Variants in PHACTR1 observed in about 807,000 individuals in gnomAD.
PHACTR1 encodes RPEL repeat containing 1.
PHACTR1 carries 16 observed loss-of-function variants against 69.2 expected under a neutral mutation model. That is an observed-to-expected ratio of 0.23 (90% CI 0.16 to 0.35). The LOEUF (loss-of-function observed/expected upper bound fraction) is 0.35. Ranked by LOEUF, PHACTR1 falls within the 10% of genes least tolerant of loss-of-function variation. The pLI is 1.00. For synonymous variants in PHACTR1, 312 were observed against 284.5 expected, an observed-to-expected ratio of 1.10 and a Z score of -0.97; for missense variants, 510 against 734.7, an observed-to-expected ratio of 0.69 and a Z score of 3.54.
At chr6:13,005,556 G>A (rs1416755664) in intron 4 of PHACTR1, among the ~76,000 whole-genome samples, 1 of 152,116 alleles carries the variant, frequency 6.6e-6, no homozygotes, top group African/African-American at 2.4e-5. Flanking sequence ...GAAATATAAT[G>A]TATAAATATA....
At chr6:13,065,966 A>T (rs2127763269) in intron 5 of PHACTR1, among the ~76,000 whole-genome samples, 1 of 152,218 alleles carries the variant, frequency 6.6e-6, no homozygotes, top group East Asian at 1.9e-4. Context: ...AAAAAAAAAA[A>T]AAGATCCAGC....
chr6:12,728,459 T>C (rs984993883), intron 3 of PHACTR1, among the ~76,000 whole-genome samples: 3 of 152,216 alleles, frequency 2.0e-5, no homozygotes, highest in African/African-American at 7.2e-5. Flanking sequence ...ATGAATAAGA[T>C]AGTTTCCCAT....
At chr6:12,785,848 C>T (rs1024279228) in intron 4 of PHACTR1, among the ~76,000 whole-genome samples, 4 of 152,002 alleles carry the variant, frequency 2.6e-5, no homozygotes, top group African/African-American at 9.7e-5. Flanking sequence ...TTCATCATAG[C>T]TTTATTTATT....
chr6:12,824,143 A>T (rs1581928771), intron 4 of PHACTR1, among the ~76,000 whole-genome samples: 1 of 152,152 alleles, frequency 6.6e-6, no homozygotes, highest in African/African-American at 2.4e-5. Context: ...TTAGATTTTC[A>T]TAGAAGCGAG....
intron 6 of PHACTR1, among the ~76,000 whole-genome samples, chr6:13,164,763 C>T (rs1296282564): frequency 6.6e-6 from 1 of 152,168 alleles, no homozygotes; most frequent in Non-Finnish European, 1.5e-5. Context: ...GGTTTTATTA[C>T]TCTGACAGTT....
rs969606210 is a variant in PHACTR1 at position 13,248,917 on chromosome 6, G to A, written c.1391+18724G>A. ...CAAAATCGCGTGCCAACTAAGCAAA[G>A]CCAATGCATAAGCTATAATGTCTTC... is the stretch of plus-strand genomic sequence containing the variant. On this transcript the variant is annotated intron_variant, in intron 10 of 14. Transcript: ENST00000332995. 2.6e-5 allele frequency among the ~76,000 whole-genome samples: 4 copies of A among 152,166 alleles called. No homozygotes were observed. In the East Asian group the frequency reaches 5.8e-4, roughly 22 times the overall value.
chr6:13,281,325 C>T (rs1245750747), intron 12 of PHACTR1: 5 of 344,324 alleles, frequency 1.5e-5, no homozygotes, highest in South Asian at 2.2e-5. Flanking sequence ...AGGCTGAGAA[C>T]GGCGGATCAT....
intron 4 of PHACTR1, among the ~76,000 whole-genome samples, chr6:12,924,000 G>C (rs1357556320): frequency 6.6e-6 from 1 of 152,200 alleles, no homozygotes; most frequent in Non-Finnish European, 1.5e-5. Flanking sequence ...ACATTCTAAA[G>C]TAAACTGAAT....
intron 5 of PHACTR1, among the ~76,000 whole-genome samples, chr6:13,057,039 G>A (rs1003201497): frequency 6.6e-6 from 1 of 152,094 alleles, no homozygotes; most frequent in Non-Finnish European, 1.5e-5. Context: ...GTTAATGAGT[G>A]CAAAACTACA....
At position 12,938,869 on chromosome 6, in the gene PHACTR1, G is replaced by A. The variant is rs151091608; in HGVS notation, c.251-114496G>A. ...CCTAATTATTTTCTGATTTATTCAC[G>A]TTGTTGCAGATCTCAACAGTTCATG... On this transcript the variant is annotated intron_variant, in intron 4 of 14. Coordinates refer to ENST00000332995, the MANE Select transcript of PHACTR1 (RefSeq NM_030948.6). 5.0e-3 allele frequency among the ~76,000 whole-genome samples: 753 copies of A among 151,878 alleles called. 3 individuals are homozygous for A. Among genetic ancestry groups the A allele is most frequent in the African/African-American group, 0.016 (662 of 41,386 alleles).
intron 4 of PHACTR1, among the ~76,000 whole-genome samples, chr6:12,804,460 A>G (rs940457027): frequency 6.6e-6 from 1 of 152,214 alleles, no homozygotes; most frequent in Non-Finnish European, 1.5e-5. Flanking sequence ...AATTCACTGA[A>G]AGAAGATGGC....
chr6:13,031,483 C>T (rs531454236), intron 4 of PHACTR1, among the ~76,000 whole-genome samples: 139 of 152,252 alleles, frequency 9.1e-4, no homozygotes, highest in Non-Finnish European at 1.7e-3. Context: ...TTAATTGAAA[C>T]GAATTCTATT....
At chr6:13,184,107 G>T (rs966574563) in intron 7 of PHACTR1, among the ~76,000 whole-genome samples, 1 of 152,238 alleles carries the variant, frequency 6.6e-6, no homozygotes, top group African/African-American at 2.4e-5. Flanking sequence ...AGGAGCTGGT[G>T]GGGGCAGGAT....
intron 4 of PHACTR1, among the ~76,000 whole-genome samples, chr6:12,939,591 A>C (rs1789846895): frequency 6.6e-6 from 1 of 152,218 alleles, no homozygotes; most frequent in Non-Finnish European, 1.5e-5. Context: ...AGATTATACA[A>C]GTAGCTGTAT....
intron 4 of PHACTR1, among the ~76,000 whole-genome samples, chr6:12,866,256 A>G (rs1781442091): frequency 1.3e-5 from 2 of 152,314 alleles, no homozygotes; most frequent in South Asian, 4.1e-4. Context: ...CTCATTTAGA[A>G]CAAATGGTAT....
At chr6:13,115,369 A>G (rs1184050713) in intron 5 of PHACTR1, among the ~76,000 whole-genome samples, 1 of 152,190 alleles carries the variant, frequency 6.6e-6, no homozygotes, top group African/African-American at 2.4e-5. Context: ...CAAACCTTCA[A>G]CACAAACACT....
chr6:12,991,007 G>A (rs1191487368), intron 4 of PHACTR1, among the ~76,000 whole-genome samples: 2 of 152,148 alleles, frequency 1.3e-5, no homozygotes, highest in Admixed American at 6.5e-5. Context: ...GGATAGCAGG[G>A]CGAGGCAGGC....
chr6:13,115,335 A>G (rs1312874976), intron 5 of PHACTR1, among the ~76,000 whole-genome samples: 2 of 152,194 alleles, frequency 1.3e-5, no homozygotes, highest in African/African-American at 4.8e-5. Flanking sequence ...ACATTCAGGA[A>G]GAACTGAGAA....
At chr6:12,991,643 G>A (rs1435818350) in intron 4 of PHACTR1, among the ~76,000 whole-genome samples, 2 of 152,112 alleles carry the variant, frequency 1.3e-5, no homozygotes, top group Admixed American at 1.3e-4. Flanking sequence ...TCAGCATTTT[G>A]TTGCCATATG....
Sources: allele counts gnomAD v4.1 joint callset (sites outside exome capture counted in the v4.1 genomes callset), GRCh38; gene constraint gnomAD v4.1.1; transcripts MANE v1.5; gene names NCBI Gene and HGNC (gene_info 2026-07-23, HGNC 2026-07-21).